EXOC2: variants seen among roughly 807,000 people sequenced by gnomAD.
The protein encoded by EXOC2 is exocyst complex component 2.
Under a neutral mutation model 131.8 loss-of-function variants are expected in EXOC2, and 70 were observed. The observed-to-expected ratio is 0.53, with a 90% CI of 0.44 to 0.65. The LOEUF (loss-of-function observed/expected upper bound fraction) is 0.65, where lower values mean the gene tolerates loss of function less well. Ranked by LOEUF, EXOC2 falls within the 30% of genes least tolerant of loss-of-function variation. The pLI is 0.00. For synonymous variants in EXOC2, 411 were observed against 398.4 expected, an observed-to-expected ratio of 1.03 and a Z score of -0.38; for missense variants, 923 against 1,108.6, an observed-to-expected ratio of 0.83 and a Z score of 2.38.
rs148394306 is a variant in EXOC2 at position 532,572 on chromosome 6, G to A, written c.2277C>T (p.Leu759=). The change falls in exon 23 of 28, where the codon CTC becomes CTT. Residue 759 remains leucine (L), a synonymous_variant. Coordinates refer to ENST00000230449, the MANE Select transcript of EXOC2 (RefSeq NM_018303.6). The part of the protein sequence containing the change: ...MASLKELDQR[L]FENYIELKAD... ...CTTTCAACTCGATGTAATTTTCAAAGAGTCTTTGATCTAGTTCTTTCAATG... is the reference window on the plus strand; with the variant it reads ...CTTTCAACTCGATGTAATTTTCAAAAAGTCTTTGATCTAGTTCTTTCAATG... 4.1e-5 allele frequency: 66 copies of A among 1,608,486 alleles called. No individual in the cohort carries two copies. In the African/African-American group the frequency reaches 6.4e-4, roughly 16 times the overall value.
At chr6:510,605 G>A (rs182536620) in intron 23 of EXOC2, among the ~76,000 whole-genome samples, 3 of 152,078 alleles carry the variant, frequency 2.0e-5, no homozygotes, top group African/African-American at 4.8e-5. Context: ...TCAAATATAC[G>A]CAAGTGGAAA....
At chr6:646,450 T>C (rs895854630) in intron 1 of EXOC2, among the ~76,000 whole-genome samples, 14 of 152,194 alleles carry the variant, frequency 9.2e-5, no homozygotes, top group Non-Finnish European at 7.4e-5. Context: ...GGAGTTACTT[T>C]TACTATTCTG....
At chr6:649,367 T>A (rs1268855001) in intron 1 of EXOC2, among the ~76,000 whole-genome samples, 1 of 152,082 alleles carries the variant, frequency 6.6e-6, no homozygotes, top group Admixed American at 6.5e-5. Context: ...ATAATAAACG[T>A]TGGGGGAATG....
At chr6:597,693 C>A (rs906768607) in intron 10 of EXOC2, among the ~76,000 whole-genome samples, 2 of 152,164 alleles carry the variant, frequency 1.3e-5, no homozygotes, top group Non-Finnish European at 2.9e-5. Flanking sequence ...GGAGCCCCTC[C>A]TTCACAGATT....
At chr6:545,095 C>T (rs540582762) in intron 22 of EXOC2, among the ~76,000 whole-genome samples, 106 of 144,132 alleles carry the variant, frequency 7.4e-4, no homozygotes, top group African/African-American at 2.6e-3. Context: ...TGCAGTGAGC[C>T]GAGATTGCGC....
intron 25 of EXOC2, among the ~76,000 whole-genome samples, chr6:494,153 G>A (rs1186622072): frequency 1.3e-5 from 2 of 152,200 alleles, no homozygotes; most frequent in Admixed American, 6.5e-5. Flanking sequence ...TCAATTTTCA[G>A]AGAAAACTGG....
chr6:501,633 A>G (rs1235931002), intron 23 of EXOC2, among the ~76,000 whole-genome samples: 1 of 90,628 alleles, frequency 1.1e-5, no homozygotes, highest in African/African-American at 4.0e-5. Flanking sequence ...ATATATCTAT[A>G]TATATCGATA....
At chr6:690,390 T>C (rs1309719940) in intron 1 of EXOC2, among the ~76,000 whole-genome samples, 1 of 152,172 alleles carries the variant, frequency 6.6e-6, no homozygotes, top group Non-Finnish European at 1.5e-5. Flanking sequence ...AGGATGCCGA[T>C]GCGTGTGTCA....
At chr6:661,437 A>AG (rs1763420529) in intron 1 of EXOC2, among the ~76,000 whole-genome samples, 1 of 152,242 alleles carries the variant, frequency 6.6e-6, no homozygotes, top group African/African-American at 2.4e-5. Flanking sequence ...TCAGATTAAC[A>AG]GCAGATTTCT....
At chr6:565,590 C>T (rs1757927902) in intron 13 of EXOC2, among the ~76,000 whole-genome samples, 1 of 151,948 alleles carries the variant, frequency 6.6e-6, no homozygotes, top group South Asian at 2.1e-4. Flanking sequence ...ATAAAATAAC[C>T]TAGAAGGACA....
At chr6:486,846 C>T in intron 27 of EXOC2, 82 bp from the exon 28 acceptor site, 5 of 1,056,364 alleles carry the variant, frequency 4.7e-6, no homozygotes, top group Non-Finnish European at 7.2e-6. Context: ...GAGCCAGTGC[C>T]CGGCTCTGCC....
intron 12 of EXOC2, 46 bp downstream of exon 12, chr6:576,711 G>T (rs774776469): frequency 6.3e-7 from 1 of 1,598,270 alleles, no homozygotes; most frequent in Non-Finnish European, 8.5e-7. Context: ...GAAATTACAC[G>T]AGTACAAATT....
intron 1 of EXOC2, among the ~76,000 whole-genome samples, chr6:668,712 T>C (rs1344273103): frequency 6.6e-6 from 1 of 152,178 alleles, no homozygotes; most frequent in African/African-American, 2.4e-5. Context: ...CCTAAGGCAT[T>C]CTGTGGATAC....
intron 25 of EXOC2, among the ~76,000 whole-genome samples, chr6:493,911 T>C (rs972002411): frequency 6.6e-6 from 1 of 152,254 alleles, no homozygotes; most frequent in African/African-American, 2.4e-5. Flanking sequence ...AACCTCTCCC[T>C]GCTGGTTTTG....
Position 486,663 on chromosome 6 carries a change from G to A in EXOC2, c.*8C>T. 1 of 1,611,662 alleles carries A rather than the reference G, an allele frequency of 6.2e-7. No individual in the cohort carries two copies. Among genetic ancestry groups the A allele is most frequent in the Non-Finnish European group, 8.5e-7 (1 of 1,177,754 alleles). On this transcript the variant is annotated 3_prime_UTR_variant, in exon 28 of 28. Transcript: ENST00000230449. ...TATTTTCCTGGACTTCTTTTATGTG[G>A]CAGATATTTATGTTTTCATCATGGT... is the stretch of plus-strand genomic sequence containing the variant.
intron 24 of EXOC2, among the ~76,000 whole-genome samples, chr6:498,083 G>A (rs893974772): frequency 2.0e-5 from 3 of 152,174 alleles, no homozygotes; most frequent in African/African-American, 7.2e-5. Context: ...ATCTGACTCT[G>A]CTGACTCATA....
chr6:614,024 AG>A (rs1760850913), intron 6 of EXOC2, among the ~76,000 whole-genome samples: 1 of 152,240 alleles, frequency 6.6e-6, no homozygotes, highest in South Asian at 2.1e-4. Flanking sequence ...TGTATATAAA[AG>A]GAAGGGTATA....
chr6:559,302 T>G (rs1385028178), intron 17 of EXOC2, among the ~76,000 whole-genome samples: 1 of 152,244 alleles, frequency 6.6e-6, no homozygotes, highest in Non-Finnish European at 1.5e-5. Context: ...GTGCTTGACC[T>G]TGATGTCCTC....
intron 23 of EXOC2, among the ~76,000 whole-genome samples, chr6:528,265 C>G (rs867534257): frequency 1.3e-5 from 2 of 151,686 alleles, no homozygotes; most frequent in African/African-American, 4.9e-5. Context: ...TTATTGGTAA[C>G]TACAGCAATA....
Sources: allele counts gnomAD v4.1 joint callset (sites outside exome capture counted in the v4.1 genomes callset), GRCh38; gene constraint gnomAD v4.1.1; transcripts MANE v1.5; gene names NCBI Gene and HGNC (gene_info 2026-07-23, HGNC 2026-07-21).